Variants in CSMD1 observed in about 807,000 individuals in gnomAD.
CSMD1 encodes CUB and Sushi multiple domains 1.
CSMD1 carries 213 observed loss-of-function variants against 417.5 expected under a neutral mutation model. The ratio of observed to expected loss-of-function variants is 0.51; its 90% CI spans 0.46 to 0.57. The LOEUF is 0.57. Among genes scored for constraint, CSMD1 ranks in the 20% least tolerant of loss-of-function variants. CSMD1 has a pLI of 0.00. For synonymous variants in CSMD1, 2,862 were observed against 1,736.8 expected (o/e 1.65, Z -16.11); for missense variants, 6,923 against 4,529.7 (o/e 1.53, Z -15.17).
intron 3 of CSMD1, among the ~76,000 whole-genome samples, chr8:4,044,017 A>C (rs115449324): frequency 1.0e-3 from 142 of 140,972 alleles, no homozygotes; most frequent in African/African-American, 3.6e-3. Flanking sequence ...AATTTTGGCA[A>C]AGCTTAATTA....
At chr8:3,028,113 C>T (rs2128975890) in intron 51 of CSMD1, among the ~76,000 whole-genome samples, 1 of 152,264 alleles carries the variant, frequency 6.6e-6, no homozygotes, top group African/African-American at 2.4e-5. Flanking sequence ...GCCGCAGAAG[C>T]CCTGTGTAAA....
chr8:3,379,992 C>T (rs1412234124), intron 18 of CSMD1, among the ~76,000 whole-genome samples: 1 of 152,082 alleles, frequency 6.6e-6, no homozygotes, highest in African/African-American at 2.4e-5. Context: ...GCAATCTATC[C>T]ATCTGACAAA....
intron 1 of CSMD1, among the ~76,000 whole-genome samples, chr8:4,914,555 G>A (rs1400665497): frequency 6.9e-6 from 1 of 144,986 alleles, no homozygotes; most frequent in African/African-American, 2.6e-5. Context: ...TCCAGCCTGG[G>A]AGACAGCGAG....
At chr8:4,302,043 TAATTTTTTCATTAG>T (rs1798005747) in intron 3 of CSMD1, among the ~76,000 whole-genome samples, 1 of 152,234 alleles carries the variant, frequency 6.6e-6, no homozygotes, top group Admixed American at 6.5e-5. Context: ...TTGAAATCCC[TAATTTTTTCATTAG>T]AATTTTCCAC....
At chr8:3,175,019 G>C (rs1170877093) in intron 37 of CSMD1, among the ~76,000 whole-genome samples, 1 of 152,078 alleles carries the variant, frequency 6.6e-6, no homozygotes, top group Admixed American at 6.6e-5. Flanking sequence ...TCAGGTATAA[G>C]TTTTGAACTC....
intron 14 of CSMD1, among the ~76,000 whole-genome samples, chr8:3,407,545 G>C (rs913210970): frequency 1.3e-5 from 2 of 151,514 alleles, no homozygotes; most frequent in Non-Finnish European, 2.9e-5. Flanking sequence ...ATGGATGAAT[G>C]GAAGAATAGA....
At chr8:3,031,314 T>TG (rs1810326554) in intron 50 of CSMD1, among the ~76,000 whole-genome samples, 2 of 57,514 alleles carry the variant, frequency 3.5e-5, no homozygotes, top group African/African-American at 1.3e-4. Context: ...GGGACTGTTG[T>TG]GGGGTGGGGG....
chr8:4,782,091 A>G (rs1797178930), intron 1 of CSMD1, among the ~76,000 whole-genome samples: 1 of 152,208 alleles, frequency 6.6e-6, no homozygotes, highest in African/African-American at 2.4e-5. Flanking sequence ...CAGCTAGGCT[A>G]TGCCTTTTAA....
intron 2 of CSMD1, among the ~76,000 whole-genome samples, chr8:4,493,908 G>A (rs895198987): frequency 2.0e-5 from 3 of 152,104 alleles, no homozygotes; most frequent in Non-Finnish European, 4.4e-5. Flanking sequence ...TAAAATGATA[G>A]ACACTAACAA....
At chr8:4,129,502 A>C (rs1185468508) in intron 3 of CSMD1, among the ~76,000 whole-genome samples, 2 of 152,172 alleles carry the variant, frequency 1.3e-5, no homozygotes, top group African/African-American at 4.8e-5. Context: ...TCTAGGAGTA[A>C]ATGACATTTT....
At chr8:3,308,989 G>T (rs1206245067) in intron 23 of CSMD1, among the ~76,000 whole-genome samples, 1 of 152,104 alleles carries the variant, frequency 6.6e-6, no homozygotes, top group Non-Finnish European at 1.5e-5. Flanking sequence ...CTCCCAAAGT[G>T]CTGGGATTAC....
chr8:4,957,527 G>C (rs1026748100), intron 1 of CSMD1, among the ~76,000 whole-genome samples: 3 of 152,136 alleles, frequency 2.0e-5, no homozygotes, highest in Admixed American at 2.0e-4. Flanking sequence ...CTTTTCTGAA[G>C]TGCTTATATG....
In CSMD1 at chr8:3,195,726, G is replaced by A. The variant is rs571669568; in HGVS notation, c.5194+3988C>T. On this transcript the variant is annotated intron_variant, in intron 33 of 69. Transcript: ENST00000635120. ...CACTGTGAACACTCGAGGAATTCCC[G>A]GGAGCTAAGAAACTGGTATAAAACA... Among the ~76,000 whole-genome samples, 26 of 152,204 alleles carry A rather than the reference G, an allele frequency of 1.7e-4. No homozygotes were observed. The East Asian group carries it at 1.9e-3, about 11-fold the overall frequency.
chr8:3,189,209 T>A (rs73183574), intron 34 of CSMD1, among the ~76,000 whole-genome samples, 198 bp from the exon 35 acceptor site: 58 of 152,372 alleles, frequency 3.8e-4, no homozygotes, highest in Non-Finnish European at 6.2e-4. Flanking sequence ...CCTATTATGC[T>A]ACTCAGTTAT....
At position 3,271,136 on chromosome 8, in the gene CSMD1, T is replaced by A. The variant is rs901458133; in HGVS notation, c.4153+13008A>T. Among the ~76,000 whole-genome samples the A allele has an allele frequency of 4.3e-5, 6 of 141,064 alleles. No homozygotes were observed. In the South Asian group the frequency reaches 7.0e-4, roughly 17 times the overall value. The allele number at this position is 141,064 out of a possible 152,430, so 92.5% of individuals were successfully genotyped here. A position where few individuals can be genotyped will look rare whatever the true frequency, so the allele number is the denominator to read the frequency against. ...ATGTTCCCCTTCCTGTGTTCACGTG[T>A]TCTCATTGTTCAGTTCCCACCTTTG... On this transcript the variant is annotated intron_variant, in intron 26 of 69. Coordinates refer to ENST00000635120, the MANE Select transcript of CSMD1 (RefSeq NM_033225.6).
rs559178195 is a variant in CSMD1, at chr8:3,941,676, G to C, written c.818+56227C>G. On this transcript the variant is annotated intron_variant, in intron 5 of 69. Coordinates refer to ENST00000635120, the MANE Select transcript of CSMD1 (RefSeq NM_033225.6). Reference sequence around the variant, plus strand: ...TCAACTGCAAGCCCACGCAGAGTTTGACTAGAATGTAATGAGATTTTTTCC... The same window carrying C: ...TCAACTGCAAGCCCACGCAGAGTTTCACTAGAATGTAATGAGATTTTTTCC... Among the ~76,000 whole-genome samples the C allele has an allele frequency of 1.2e-4, 19 of 152,258 alleles. 1 individual carries two copies. In the South Asian group the frequency reaches 3.9e-3, roughly 32 times the overall value.
intron 2 of CSMD1, among the ~76,000 whole-genome samples, chr8:4,475,453 G>C (rs1231295976): frequency 6.6e-6 from 1 of 152,018 alleles, no homozygotes; most frequent in African/African-American, 2.4e-5. Flanking sequence ...CATATGGAAG[G>C]CAACCCCATT....
At chr8:4,158,969 G>A (rs940714835) in intron 3 of CSMD1, among the ~76,000 whole-genome samples, 2 of 152,132 alleles carry the variant, frequency 1.3e-5, no homozygotes, top group Admixed American at 6.5e-5. Context: ...AGGTTGGAGT[G>A]CAGTGGCACA....
At chr8:3,077,758 T>C (rs1813792689) in intron 49 of CSMD1, among the ~76,000 whole-genome samples, 2 of 152,226 alleles carry the variant, frequency 1.3e-5, no homozygotes, top group Non-Finnish European at 2.9e-5. Flanking sequence ...GACTGACATT[T>C]TCAAACTGTC....
Sources: allele counts gnomAD v4.1 joint callset (sites outside exome capture counted in the v4.1 genomes callset), GRCh38; gene constraint gnomAD v4.1.1; transcripts MANE v1.5; gene names NCBI Gene and HGNC (gene_info 2026-07-23, HGNC 2026-07-21).